TRIM2: variants seen among roughly 807,000 people sequenced by gnomAD.
TRIM2 encodes the protein tripartite motif containing 2, also known as tripartite motif-containing protein 2.
In TRIM2, 20 loss-of-function variants were observed where a neutral mutation model predicts 75.2. The observed-to-expected ratio is 0.27, with a 90% CI of 0.19 to 0.39. The LOEUF is 0.39. TRIM2 is among the 10% of genes least tolerant of loss of function. The probability of loss-of-function intolerance (pLI) is 1.00; values close to 1 mark genes in which losing one functional copy is unlikely to be tolerated. For synonymous variants in TRIM2, 373 were observed against 388.3 expected, an observed-to-expected ratio of 0.96 and a Z score of 0.46; for missense variants, 660 against 990.8, an observed-to-expected ratio of 0.67 and a Z score of 4.48.
chr4:153,270,101 T>G (rs923789723), intron 1 of TRIM2, among the ~76,000 whole-genome samples: 21 of 151,846 alleles, frequency 1.4e-4, no homozygotes, highest in African/African-American at 5.1e-4. Flanking sequence ...GCTAATTTTT[T>G]GTATTTTTAG....
At chr4:153,265,705 G>A (rs1754838464) in intron 1 of TRIM2, 1 of 152,106 alleles carries the variant, frequency 6.6e-6, no homozygotes, top group Non-Finnish European at 1.5e-5. Flanking sequence ...TTCTTGCTCA[G>A]GGGCAATATT....
chr4:153,282,749 G>GT (rs1049462590), intron 3 of TRIM2, among the ~76,000 whole-genome samples: 19 of 150,136 alleles, frequency 1.3e-4, no homozygotes, highest in South Asian at 2.1e-4. Flanking sequence ...AGCCTGGCCT[G>GT]TTTTTTTTGT....
intron 1 of TRIM2, among the ~76,000 whole-genome samples, chr4:153,247,260 A>G (rs993136222): frequency 2.0e-5 from 3 of 152,172 alleles, no homozygotes; most frequent in Non-Finnish European, 4.4e-5. Context: ...AGTTAGTGTG[A>G]GACCTCAGCA....
chr4:153,270,331 A>G lies in TRIM2; in HGVS notation c.31-4A>G. The stretch of plus-strand genomic sequence containing the variant: ...TTTTTCTGTTTTGATTTTCTGTCTG[A>G]CAGCAGCAGCGTGCAGGGTCAAAGA... On this transcript the variant is annotated splice_region_variant and splice_polypyrimidine_tract_variant and intron_variant, in intron 1 of 11. Transcript: ENST00000338700. 3 of 1,605,216 alleles carry G rather than the reference A, an allele frequency of 1.9e-6. No individual in the cohort carries two copies. Among genetic ancestry groups the G allele is most frequent in the Middle Eastern group, 1.7e-4 (1 of 5,996 alleles).
chr4:153,296,166 T>C, intron 6 of TRIM2, 130 bp downstream of exon 6: 1 of 1,187,534 alleles, frequency 8.4e-7, no homozygotes. Flanking sequence ...TGTACTGCTA[T>C]AAAATTTGAT....
Position 153,160,375 on chromosome 4 carries a change from T to C in TRIM2, c.-49+7105T>C, listed in dbSNP as rs139644965. Among the ~76,000 whole-genome samples, 5 of 152,272 alleles carry C rather than the reference T, an allele frequency of 3.3e-5. No individual in the cohort carries two copies. The East Asian group carries it at 9.6e-4, about 29-fold the overall frequency. The stretch of plus-strand genomic sequence containing the variant: ...GAGACAGGCGAGCAAAAATCACCAA[T>C]CTCATTAGCTTCTCCAAAGGAAACA... On this transcript the variant is annotated intron_variant, in intron 1 of 11. Coordinates refer to the TRIM2 transcript ENST00000437508.
chr4:153,220,742 G>A (rs1579702966), intron 1 of TRIM2, among the ~76,000 whole-genome samples: 1 of 151,792 alleles, frequency 6.6e-6, no homozygotes, highest in African/African-American at 2.4e-5. Flanking sequence ...ATTTCAGTAG[G>A]CATTTCTACA....
In TRIM2 at chr4:153,311,922, A is replaced by ATTTAT. The variant is rs370049473; in HGVS notation, c.1511-3561_1511-3560insTATTT. Among the ~76,000 whole-genome samples the ATTTAT allele has an allele frequency of 1.1e-3, 153 of 144,736 alleles. 1 individual carries two copies. The South Asian group carries it at 0.013, about 12-fold the overall frequency. 95.0% of individuals were successfully genotyped at this position (144,736 alleles called of 152,430 possible). On this transcript the variant is annotated intron_variant, in intron 6 of 11. Coordinates refer to ENST00000338700, the MANE Select transcript of TRIM2 (RefSeq NM_015271.5). ...TATTTATTTATTTATTTATTTATTT[A>ATTTAT]TTATTATTATACTTTAAGTTTTAGG...
Position 153,322,743 on chromosome 4 carries a change from G to A in TRIM2, c.1878G>A (p.Val626=). ...TTGTGGACAACAAGGCGTGCTGCGT[G>A]TTTATCTTCCAGCCAAACGGGAAAA... ...IIVVDNKACC[V]FIFQPNGKIV... Residue 626 remains valine, a synonymous_variant, in exon 9 of 12, where the codon GTG becomes GTA. Coordinates refer to ENST00000338700, the MANE Select transcript of TRIM2 (RefSeq NM_015271.5). 1 of 1,614,240 alleles carries A rather than the reference G, an allele frequency of 6.2e-7. No individual in the cohort carries two copies. Among genetic ancestry groups the A allele is most frequent in the Non-Finnish European group, 8.5e-7 (1 of 1,180,042 alleles).
chr4:153,191,002 C>T (rs1382505115), intron 1 of TRIM2, among the ~76,000 whole-genome samples: 1 of 152,202 alleles, frequency 6.6e-6, no homozygotes, highest in African/African-American at 2.4e-5. Context: ...TCCCAAAGTG[C>T]TGGGATTACA....
chr4:153,152,368 T>A (rs1728802575), upstream of TRIM2: 1 of 149,976 alleles, frequency 6.7e-6, no homozygotes, highest in Admixed American at 6.7e-5. Context: ...CGGGCTGCCG[T>A]GCGCTCGGGA....
At chr4:153,327,830 T>TGA (rs1255194133) in intron 10 of TRIM2, among the ~76,000 whole-genome samples, 5 of 152,214 alleles carry the variant, frequency 3.3e-5, no homozygotes, top group African/African-American at 4.8e-5. Flanking sequence ...GTCTCTCTAC[T>TGA]GAGAGATAAA....
At chr4:153,282,255 C>T (rs1759518999) in intron 3 of TRIM2, among the ~76,000 whole-genome samples, 1 of 152,222 alleles carries the variant, frequency 6.6e-6, no homozygotes, top group African/African-American at 2.4e-5. Context: ...GCTGTCAGAA[C>T]CGAAGCACGA....
chr4:153,288,256 G>A (rs1172425237), intron 3 of TRIM2, among the ~76,000 whole-genome samples: 1 of 151,916 alleles, frequency 6.6e-6, no homozygotes, highest in African/African-American at 2.4e-5. Context: ...GGCCAACATG[G>A]TGAAACCTTG....
At chr4:153,254,659 C>G (rs1335448969) in intron 1 of TRIM2, among the ~76,000 whole-genome samples, 1 of 152,204 alleles carries the variant, frequency 6.6e-6, no homozygotes, top group Non-Finnish European at 1.5e-5. Context: ...GTTACCCAAG[C>G]CCCAACTTAT....
intron 11 of TRIM2, among the ~76,000 whole-genome samples, chr4:153,329,295 G>T (rs1770920481): frequency 6.6e-6 from 1 of 151,490 alleles, no homozygotes; most frequent in South Asian, 2.1e-4. Flanking sequence ...AAACACTATT[G>T]TGCTAAATGA....
chr4:153,160,889 G>T (rs375216007), intron 1 of TRIM2, among the ~76,000 whole-genome samples: 1 of 151,804 alleles, frequency 6.6e-6, no homozygotes, highest in South Asian at 2.1e-4. Flanking sequence ...AGTTACAGGC[G>T]TGAGCCACCA....
chr4:153,261,772 G>A (rs919724012), intron 1 of TRIM2, among the ~76,000 whole-genome samples: 9 of 152,180 alleles, frequency 5.9e-5, no homozygotes, highest in African/African-American at 2.2e-4. Context: ...AGTGTGGATA[G>A]TTTTCTGATC....
At position 153,248,227 on chromosome 4, in the gene TRIM2, C is replaced by CT. The variant is rs1464663609; in HGVS notation, c.31-22107dup. 6.6e-6 allele frequency among the ~76,000 whole-genome samples: 1 copy of CT among 152,150 alleles called. No individual in the cohort carries two copies. The highest frequency in any genetic ancestry group is 1.5e-5 in the Non-Finnish European group (1 of 68,036). On this transcript the variant is annotated intron_variant, in intron 1 of 11. Transcript: ENST00000338700. The surrounding 1 kb of genome is among the most constrained non-coding windows in gnomAD (Gnocchi z 4.0). ...GCCAGGCTAGTCTTGAACTCCTGAG[C>CT]TCAGGTGATCCACCTGTCTCAGCCT...
Sources: gnomAD v4.1 joint callset for allele counts (sites outside exome capture counted in the v4.1 genomes callset) on GRCh38, gnomAD v4.1.1 for gene constraint, Gnocchi (gnomAD v3.1) non-coding constraint, MANE v1.5 for transcripts, NCBI Gene and HGNC (gene_info 2026-07-23, HGNC 2026-07-21) for gene names.